The following MAN2A1 variants were observed in gnomAD, a reference collection of about 807,000 sequenced individuals.
MAN2A1 encodes the protein mannosidase alpha class 2A member 1.
Under a neutral mutation model 142.6 loss-of-function variants are expected in MAN2A1, and 76 were observed. The observed-to-expected ratio is 0.53, with a 90% confidence interval of 0.44 to 0.65. MAN2A1 has a LOEUF of 0.65. MAN2A1 is among the 30% of genes least tolerant of loss of function. MAN2A1 has a pLI of 0.00. For synonymous variants in MAN2A1, 559 were observed against 473.2 expected (o/e 1.18, Z -2.35); for missense variants, 1,311 against 1,365.1 (o/e 0.96, Z 0.62).
chr5:109,690,464 G>C lies in MAN2A1; in HGVS notation c.47G>C (p.Cys16Ser). Residue 16 changes from cysteine (C) to serine (S), a missense_variant, in exon 1 of 22, where the codon TGT (cysteine) becomes TCT (serine). Around this residue, in one of 3 missense-constraint regions of MAN2A1, gnomAD observed 409 missense variants for 412.7 expected, o/e 0.99. Transcript: ENST00000261483. ...ACCGTGTTCGGCAGTGCGATCTTCTGTGTGGTGATTTTCTCGCTCTACCTG... is the reference window on the plus strand; with the variant it reads ...ACCGTGTTCGGCAGTGCGATCTTCTCTGTGGTGATTTTCTCGCTCTACCTG... ...QFTVFGSAIF[C>S]VVIFSLYLML... is the part of the protein sequence containing the mutation. 6.2e-7 allele frequency: 1 copy of C among 1,614,086 alleles called. No individual in the cohort carries two copies. The highest frequency in any genetic ancestry group is 8.5e-7 in the Non-Finnish European group (1 of 1,179,946).
chr5:109,755,934 C>T (rs1752677245), intron 5 of MAN2A1, among the ~76,000 whole-genome samples: 1 of 151,942 alleles, frequency 6.6e-6, no homozygotes, highest in Non-Finnish European at 1.5e-5. Flanking sequence ...GGTTTCTTCA[C>T]AAGGTGAGTA....
intron 4 of MAN2A1, among the ~76,000 whole-genome samples, chr5:109,740,526 C>G (rs1752237549): frequency 6.6e-6 from 1 of 151,966 alleles, no homozygotes; most frequent in Non-Finnish European, 1.5e-5. Flanking sequence ...GCCAGCCATG[C>G]TTGGCTCTCT....
chr5:109,852,716 A>G (rs1171357327), intron 19 of MAN2A1, among the ~76,000 whole-genome samples: 2 of 152,244 alleles, frequency 1.3e-5, no homozygotes, highest in African/African-American at 4.8e-5. Context: ...TAGATTAGTT[A>G]AGTACAAGGC....
intron 3 of MAN2A1, among the ~76,000 whole-genome samples, chr5:109,726,407 A>G (rs575330647): frequency 6.6e-6 from 1 of 152,334 alleles, no homozygotes; most frequent in African/African-American, 2.4e-5. Flanking sequence ...ATTACTCAGT[A>G]CTGAAAGCTG....
At chr5:109,782,716 A>G (rs1050480565) in intron 9 of MAN2A1, among the ~76,000 whole-genome samples, 1 of 152,128 alleles carries the variant, frequency 6.6e-6, no homozygotes, top group Non-Finnish European at 1.5e-5. Context: ...CTATTTCAAA[A>G]GCCTAACCTT....
intron 17 of MAN2A1, among the ~76,000 whole-genome samples, chr5:109,844,883 G>C (rs1052171708): frequency 4.6e-5 from 7 of 152,116 alleles, no homozygotes; most frequent in African/African-American, 1.7e-4. Flanking sequence ...TTCTGCAGAG[G>C]CTGTATTTCA....
intron 20 of MAN2A1, among the ~76,000 whole-genome samples, chr5:109,861,706 G>T (rs955856751): frequency 6.6e-6 from 1 of 152,146 alleles, no homozygotes; most frequent in African/African-American, 2.4e-5. Flanking sequence ...CTGGGAGCAC[G>T]CTCAGGTGTG....
chr5:109,823,679 T>A, intron 15 of MAN2A1, 44 bp from the exon 16 acceptor site: 2 of 1,001,114 alleles, frequency 2.0e-6, no homozygotes, highest in Non-Finnish European at 3.1e-6. Flanking sequence ...TTTAAAAGTT[T>A]GGAAGCCAAA....
chr5:109,704,372 AT>A (rs1455565936), intron 1 of MAN2A1, among the ~76,000 whole-genome samples: 4 of 152,210 alleles, frequency 2.6e-5, no homozygotes, highest in Non-Finnish European at 5.9e-5. Context: ...TCGTGAGGGC[AT>A]TTATTTCTTT....
At chr5:109,736,779 C>T (rs565693330) in intron 4 of MAN2A1, among the ~76,000 whole-genome samples, 1 of 152,166 alleles carries the variant, frequency 6.6e-6, no homozygotes, top group South Asian at 2.1e-4. Flanking sequence ...AGTTTTTACT[C>T]TTGACCTATC....
intron 1 of MAN2A1, among the ~76,000 whole-genome samples, chr5:109,708,668 G>A (rs1751210366): frequency 6.6e-6 from 1 of 152,134 alleles, no homozygotes; most frequent in Non-Finnish European, 1.5e-5. Context: ...CTTAGTCTAA[G>A]TCTGAAGGCC....
intron 5 of MAN2A1, among the ~76,000 whole-genome samples, chr5:109,759,958 TATATATAGATAG>T (rs1418687420): frequency 0.012 from 271 of 21,962 alleles, no homozygotes; most frequent in South Asian, 0.052. Flanking sequence ...TATATATATA[TATATATAGATAG>T]ATAGATAGAT....
At position 109,818,647 on chromosome 5, in the gene MAN2A1, CA is replaced by C. The variant is rs545253452; in HGVS notation, c.2110-1014del. Among the ~76,000 whole-genome samples the C allele has an allele frequency of 2.5e-4, 38 of 151,480 alleles. No homozygotes were observed. The South Asian group carries it at 3.8e-3, about 15-fold the overall frequency. ...TATTAACCGAAATATCATAATATTG[CA>C]AAAAAAATTAATAATTAGGAAATGG... On this transcript the variant is annotated intron_variant, in intron 13 of 21. Transcript: ENST00000261483.
chr5:109,779,510 C>T lies in MAN2A1; in HGVS notation c.1375-1886C>T, dbSNP rs542480566. The stretch of plus-strand genomic sequence containing the variant: ...TATCTGCTGGATATGAAGTTAATGC[C>T]ATATTTCCTTCTATTCGTGACTCAT... On this transcript the variant is annotated intron_variant, in intron 8 of 21. Transcript: ENST00000261483. 2.0e-5 allele frequency among the ~76,000 whole-genome samples: 3 copies of T among 151,940 alleles called. No individual in the cohort carries two copies. The South Asian group carries it at 6.2e-4, about 32-fold the overall frequency.
At chr5:109,805,829 G>C (rs1754149851) in intron 12 of MAN2A1, among the ~76,000 whole-genome samples, 1 of 152,176 alleles carries the variant, frequency 6.6e-6, no homozygotes, top group Non-Finnish European at 1.5e-5. Context: ...AGACTACTGT[G>C]GACAATAACC....
intron 16 of MAN2A1, among the ~76,000 whole-genome samples, chr5:109,838,376 A>G (rs1013835481): frequency 6.6e-6 from 1 of 152,220 alleles, no homozygotes; most frequent in African/African-American, 2.4e-5. Flanking sequence ...TAAGTCCCCC[A>G]GAGGGACTTA....
At chr5:109,803,140 A>G (rs539603039) in intron 12 of MAN2A1, among the ~76,000 whole-genome samples, 1 of 152,128 alleles carries the variant, frequency 6.6e-6, no homozygotes, top group East Asian at 1.9e-4. Context: ...CTTCCTTACC[A>G]GGCCCTTATA....
intron 18 of MAN2A1, among the ~76,000 whole-genome samples, chr5:109,846,584 G>A (rs1025950621): frequency 2.0e-5 from 3 of 152,078 alleles, no homozygotes; most frequent in Admixed American, 2.0e-4. Context: ...CTATTGAGAG[G>A]CTTTGATCCT....
intron 19 of MAN2A1, 74 bp from the exon 20 acceptor site, chr5:109,855,066 T>C (rs1755570990): frequency 1.4e-6 from 1 of 694,916 alleles, no homozygotes; most frequent in South Asian, 3.5e-5. Context: ...TATTAAACCC[T>C]CTCAGATAAT....
Sources: allele counts gnomAD v4.1 joint callset (sites outside exome capture counted in the v4.1 genomes callset), GRCh38; gene constraint gnomAD v4.1.1; regional missense constraint gnomAD v4.1.1; transcripts MANE v1.5; gene names NCBI Gene and HGNC (gene_info 2026-07-23, HGNC 2026-07-21).